Variants in TENM1 observed in about 807,000 individuals in gnomAD.
TENM1 encodes the protein teneurin transmembrane protein 1.
A neutral mutation model predicts 174.8 loss-of-function variants in TENM1; 35 were observed. The ratio of observed to expected loss-of-function variants is 0.20; its 90% CI spans 0.15 to 0.27. TENM1 has a LOEUF of 0.27. Ranked by LOEUF, TENM1 falls within the 10% of genes least tolerant of loss-of-function variation. The probability of loss-of-function intolerance (pLI) is 1.00; values close to 1 mark genes in which losing one functional copy is unlikely to be tolerated. For missense variants in TENM1, 1,633 were observed against 2,130.1 expected (o/e 0.77, Z 4.59); for synonymous variants, 781 against 798.7 (o/e 0.98, Z 0.37).
At chrX:125,151,061 T>C in the TENM1 span, among the ~76,000 whole-genome samples, 3 of 111,988 alleles carry the variant, frequency 2.7e-5, no homozygotes, top group Non-Finnish European at 3.8e-5. Flanking sequence ...AATATTCCTG[T>C]GAATGTCAGG....
At chrX:124,551,766 T>C (rs1157119404) in intron 14 of TENM1, among the ~76,000 whole-genome samples, 1 of 112,286 alleles carries the variant, frequency 8.9e-6, no homozygotes, top group Non-Finnish European at 1.9e-5. Flanking sequence ...TACTATCTAG[T>C]ACATAACCAG....
At chrX:124,685,910 G>C (rs751702840) in intron 5 of TENM1, among the ~76,000 whole-genome samples, 13 of 111,792 alleles carry the variant, frequency 1.2e-4, no homozygotes, top group Non-Finnish European at 2.3e-4. Context: ...AAAATAATGA[G>C]AAATGTGTGG....
At chrX:124,908,888 C>T (rs1312489834) in intron 1 of TENM1, among the ~76,000 whole-genome samples, 1 of 107,766 alleles carries the variant, frequency 9.3e-6, no homozygotes, top group Non-Finnish European at 1.9e-5. Context: ...GATGGAGTCT[C>T]GCTCTTGTCT....
chrX:124,408,923 G>T (rs2060497013), intron 25 of TENM1, among the ~76,000 whole-genome samples: 1 of 101,903 alleles, frequency 9.8e-6, no homozygotes, highest in Non-Finnish European at 2.0e-5. Context: ...TGCAGTGTTT[G>T]GTTTTTTGTC....
intron 11 of TENM1, among the ~76,000 whole-genome samples, chrX:124,581,362 G>T (rs754527142): frequency 9.0e-6 from 1 of 111,189 alleles, no homozygotes; most frequent in South Asian, 3.8e-4. Context: ...ACTGCACCCG[G>T]CCTATTTAGT....
chrX:124,944,072 T>C (rs2058367318), intron 1 of TENM1, among the ~76,000 whole-genome samples: 3 of 111,845 alleles, frequency 2.7e-5, no homozygotes, highest in Admixed American at 9.5e-5. Context: ...TCTTTTAAGA[T>C]ATTTTTAGCT....
chrX:124,687,808 G>C (rs1308994529), intron 5 of TENM1, among the ~76,000 whole-genome samples: 2 of 112,218 alleles, frequency 1.8e-5, no homozygotes, highest in Non-Finnish European at 3.8e-5. Flanking sequence ...GCAAGACACA[G>C]AAAGACAAAT....
chrX:124,712,368 C>CT (rs1289466456), intron 4 of TENM1, among the ~76,000 whole-genome samples: 1,336 of 107,403 alleles, frequency 0.012, 23 homozygotes, highest in African/African-American at 0.042. Flanking sequence ...TTTCCTTCTT[C>CT]TTTTTTTTTA....
chrX:124,586,909 G>A (rs1414255677), intron 11 of TENM1, among the ~76,000 whole-genome samples: 12 of 109,873 alleles, frequency 1.1e-4, no homozygotes, highest in African/African-American at 4.0e-4. Context: ...CAAACAGAGA[G>A]CCAAATCATG....
intron 28 of TENM1, among the ~76,000 whole-genome samples, chrX:124,387,121 G>A (rs938097961): frequency 7.5e-5 from 8 of 106,449 alleles, no homozygotes; most frequent in Non-Finnish European, 9.6e-5. Context: ...CACTATTAAT[G>A]TTTTGCAATT....
the TENM1 span, among the ~76,000 whole-genome samples, chrX:125,005,189 T>TACACACACACACAC: frequency 1.1e-5 from 1 of 88,775 alleles, no homozygotes; most frequent in African/African-American, 4.0e-5. Context: ...GATGTATACA[T>TACACACACACACAC]ACACACACAC....
intron 22 of TENM1, among the ~76,000 whole-genome samples, chrX:124,460,252 C>T (rs1395595085): frequency 2.7e-5 from 3 of 111,617 alleles, no homozygotes; most frequent in African/African-American, 9.8e-5. Context: ...GAATATAAAT[C>T]ATTCTATTAT....
At chrX:124,685,582 G>A (rs2052342533) in intron 5 of TENM1, among the ~76,000 whole-genome samples, 1 of 96,955 alleles carries the variant, frequency 1.0e-5, no homozygotes, top group African/African-American at 4.3e-5. Context: ...TTTTTGAGAT[G>A]GAGTTTTGCT....
chrX:124,720,097 A>G (rs150934597), intron 4 of TENM1, among the ~76,000 whole-genome samples: 352 of 111,792 alleles, frequency 3.1e-3, no homozygotes, highest in African/African-American at 0.011. Flanking sequence ...ATAAAGGTGC[A>G]AACCAAAAAT....
intron 1 of TENM1, among the ~76,000 whole-genome samples, chrX:124,903,790 C>G (rs1238492391): frequency 8.9e-6 from 1 of 111,739 alleles, no homozygotes; most frequent in South Asian, 3.7e-4. Flanking sequence ...TCAATGAGAA[C>G]CTGTGCATGT....
the TENM1 span, among the ~76,000 whole-genome samples, chrX:125,158,040 C>T: frequency 9.0e-5 from 10 of 110,903 alleles, no homozygotes; most frequent in Admixed American, 5.8e-4. Flanking sequence ...AAATTTATGG[C>T]GGAGAAGGAA....
intron 1 of TENM1, among the ~76,000 whole-genome samples, chrX:124,921,509 C>A (rs1320356598): frequency 9.0e-6 from 1 of 111,669 alleles, no homozygotes; most frequent in African/African-American, 3.2e-5. Flanking sequence ...GTTTCAAAAT[C>A]TGGAAATATT....
At chrX:124,540,249 A>C (rs2148100478) in intron 15 of TENM1, among the ~76,000 whole-genome samples, 1 of 112,320 alleles carries the variant, frequency 8.9e-6, no homozygotes, top group Admixed American at 9.5e-5. Context: ...ATGTTGTTGT[A>C]TGAATGAGTG....
At chrX:124,582,219 C>T (rs1357191487) in intron 11 of TENM1, among the ~76,000 whole-genome samples, 1 of 112,200 alleles carries the variant, frequency 8.9e-6, no homozygotes, top group Non-Finnish European at 1.9e-5. Context: ...TGATCTCATT[C>T]TTTTTTAAGG....
Sources: allele counts gnomAD v4.1 joint callset (sites outside exome capture counted in the v4.1 genomes callset), GRCh38; gene constraint gnomAD v4.1.1; transcripts MANE v1.5; gene names NCBI Gene and HGNC (gene_info 2026-07-23, HGNC 2026-07-21).